PTPRD: variants seen among roughly 807,000 people sequenced by gnomAD.
PTPRD encodes the protein receptor-type tyrosine-protein phosphatase delta.
A neutral mutation model predicts 214.5 loss-of-function variants in PTPRD; 34 were observed. The ratio of observed to expected loss-of-function variants is 0.16; its 90% CI spans 0.12 to 0.21. The LOEUF is 0.21. Ranked by LOEUF, PTPRD falls within the 10% of genes least tolerant of loss-of-function variation. The probability of loss-of-function intolerance (pLI) is 1.00; values close to 1 mark genes in which losing one functional copy is unlikely to be tolerated. For synonymous variants in PTPRD, 1,128 were observed against 845.7 expected (o/e 1.33, Z -5.79); for missense variants, 2,545 against 2,398.7 (o/e 1.06, Z -1.27).
At chr9:9,371,606 A>AGAGACACAAAC (rs2059515465) in intron 9 of PTPRD, among the ~76,000 whole-genome samples, 1 of 151,786 alleles carries the variant, frequency 6.6e-6, no homozygotes, top group South Asian at 2.1e-4. Flanking sequence ...TTGTGTCTCT[A>AGAGACACAAAC]TCTCCTTCAG....
At chr9:10,026,960 G>A (rs113506266) in intron 4 of PTPRD, among the ~76,000 whole-genome samples, 7 of 151,730 alleles carry the variant, frequency 4.6e-5, no homozygotes, top group East Asian at 1.9e-4. Context: ...AGCTCCAATC[G>A]ATTTTAACAT....
intron 36 of PTPRD, among the ~76,000 whole-genome samples, chr9:8,397,472 T>G (rs150457836): frequency 9.0e-4 from 137 of 152,310 alleles, no homozygotes; most frequent in African/African-American, 3.2e-3. Context: ...TTTTTGGTTT[T>G]GTTTTACTTA....
chr9:8,945,277 T>C (rs2099056836), intron 11 of PTPRD, among the ~76,000 whole-genome samples: 1 of 152,062 alleles, frequency 6.6e-6, no homozygotes, highest in Non-Finnish European at 1.5e-5. Context: ...ACTTAAGGCC[T>C]GAATTATTAA....
intron 5 of PTPRD, among the ~76,000 whole-genome samples, chr9:9,883,091 C>T (rs1381937094): frequency 6.6e-6 from 1 of 152,146 alleles, no homozygotes; most frequent in Non-Finnish European, 1.5e-5. Flanking sequence ...ATATAAGCCT[C>T]TTTTAGTTAT....
intron 14 of PTPRD, among the ~76,000 whole-genome samples, chr9:8,633,069 G>C (rs1351806275): frequency 6.6e-6 from 1 of 151,888 alleles, no homozygotes; most frequent in African/African-American, 2.4e-5. Context: ...AATCAAAATG[G>C]TATCTGGCAT....
At chr9:9,559,454 T>C (rs541194590) in intron 8 of PTPRD, among the ~76,000 whole-genome samples, 1 of 152,334 alleles carries the variant, frequency 6.6e-6, no homozygotes, top group South Asian at 2.1e-4. Context: ...AAACTATCTG[T>C]GGTCACATGC....
intron 10 of PTPRD, among the ~76,000 whole-genome samples, chr9:9,085,549 T>G (rs2099765839): frequency 6.6e-6 from 1 of 152,126 alleles, no homozygotes; most frequent in Non-Finnish European, 1.5e-5. Context: ...CTCAGGGCTT[T>G]TTTTCCCTCT....
At chr9:8,353,270 A>G (rs1001656909) in intron 39 of PTPRD, among the ~76,000 whole-genome samples, 3 of 152,146 alleles carry the variant, frequency 2.0e-5, no homozygotes, top group Admixed American at 6.5e-5. Context: ...TCTCAATACA[A>G]TCAGTTTATG....
intron 4 of PTPRD, among the ~76,000 whole-genome samples, chr9:9,954,256 G>A (rs934478600): frequency 4.9e-5 from 6 of 122,424 alleles, no homozygotes; most frequent in Non-Finnish European, 9.4e-5. Flanking sequence ...CTGTGCCACT[G>A]CATTCCAGCC....
intron 11 of PTPRD, among the ~76,000 whole-genome samples, chr9:8,757,723 A>T (rs1025831340): frequency 6.6e-6 from 1 of 150,548 alleles, no homozygotes; most frequent in African/African-American, 2.4e-5. Flanking sequence ...AAAGATTAGA[A>T]CTATACTGAT....
intron 10 of PTPRD, among the ~76,000 whole-genome samples, chr9:9,135,021 C>T (rs75337873): frequency 1.1e-4 from 17 of 152,054 alleles, no homozygotes; most frequent in South Asian, 4.1e-4. Flanking sequence ...GACTCATATG[C>T]GCTTTATGAT....
intron 11 of PTPRD, among the ~76,000 whole-genome samples, chr9:8,738,470 T>C (rs2091059175): frequency 6.6e-6 from 1 of 152,114 alleles, no homozygotes; most frequent in African/African-American, 2.4e-5. Context: ...TGGCAGATTA[T>C]AGGCTTTGTA....
chr9:8,738,499 A>C lies in PTPRD; in HGVS notation c.-103-4553T>G, dbSNP rs978064865. Among the ~76,000 whole-genome samples, 9 of 152,256 alleles carry C rather than the reference A, an allele frequency of 5.9e-5. 1 individual carries two copies. In the South Asian group the frequency reaches 1.9e-3, roughly 32 times the overall value. ...CTTTGTATGGGAAATGTAGAAAATT[A>C]GTCAACATCTTGCCATACCAGAAGC... On this transcript the variant is annotated intron_variant, in intron 11 of 45. Coordinates refer to ENST00000381196, the MANE Select transcript of PTPRD (RefSeq NM_002839.4).
chr9:10,088,889 A>G (rs1035645603), intron 3 of PTPRD, among the ~76,000 whole-genome samples: 1 of 151,606 alleles, frequency 6.6e-6, no homozygotes, highest in African/African-American at 2.4e-5. Flanking sequence ...TGATGGAAAT[A>G]TTCTGGTGGT....
At chr9:8,463,972 A>G (rs1250351287) in intron 32 of PTPRD, among the ~76,000 whole-genome samples, 2 of 151,986 alleles carry the variant, frequency 1.3e-5, no homozygotes, top group Non-Finnish European at 2.9e-5. Context: ...TTTGAAAGCA[A>G]TGCTGAGAAA....
chr9:8,878,761 C>G (rs945095998), intron 11 of PTPRD, among the ~76,000 whole-genome samples: 1 of 152,152 alleles, frequency 6.6e-6, no homozygotes, highest in Non-Finnish European at 1.5e-5. Flanking sequence ...TGCCTGGACT[C>G]AAGCAATTCT....
Position 8,791,582 on chromosome 9 carries a change from C to A in PTPRD, c.-103-57636G>T, listed in dbSNP as rs185190635. On this transcript the variant is annotated intron_variant, in intron 11 of 45. Transcript: ENST00000381196. ...CTGCTCTGTCTTCCAGGCTATAGTG[C>A]AGTGGGGCGATCTCGGCTCACTGCA... Among the ~76,000 whole-genome samples the A allele has an allele frequency of 1.9e-4, 26 of 137,624 alleles. No homozygotes were observed. The East Asian group carries it at 5.4e-3, about 29-fold the overall frequency. The allele number at this position is 137,624 out of a possible 152,430, so 90.3% of individuals were successfully genotyped here.
intron 34 of PTPRD, among the ~76,000 whole-genome samples, chr9:8,444,663 A>G (rs887611728): frequency 1.3e-5 from 2 of 152,186 alleles, no homozygotes; most frequent in Non-Finnish European, 2.9e-5. Context: ...AGAGTAACAT[A>G]ATGAACACCT....
chr9:9,433,193 C>G (rs2083900768), intron 8 of PTPRD, among the ~76,000 whole-genome samples: 2 of 152,142 alleles, frequency 1.3e-5, no homozygotes, highest in Non-Finnish European at 2.9e-5. Context: ...GCCAGACCTC[C>G]TACCAACATG....
Sources: gnomAD v4.1 joint callset for allele counts (sites outside exome capture counted in the v4.1 genomes callset) on GRCh38, gnomAD v4.1.1 for gene constraint, MANE v1.5 for transcripts, NCBI Gene and HGNC (gene_info 2026-07-23, HGNC 2026-07-21) for gene names.